Variants in TRIOBP observed in about 807,000 individuals in gnomAD.
TRIOBP encodes TRIO and F-actin-binding protein.
In TRIOBP, 169 loss-of-function variants were observed where a neutral mutation model predicts 238.8. The ratio of observed to expected loss-of-function variants is 0.71; its 90% confidence interval spans 0.62 to 0.80. The LOEUF (loss-of-function observed/expected upper bound fraction) is 0.80. Among genes scored for constraint, TRIOBP ranks in the 30% least tolerant of loss-of-function variants. The pLI, the probability that TRIOBP is intolerant of heterozygous loss-of-function variation, is 0.00. For synonymous variants in TRIOBP, 1,150 were observed against 1,274.4 expected (o/e 0.90, Z 2.08); for missense variants, 2,838 against 3,122.6 (o/e 0.91, Z 2.17).
chr22:37,765,968 A>C, intron 18 of TRIOBP, 151 bp downstream of exon 18: 1 of 1,122,000 alleles, frequency 8.9e-7, no homozygotes, highest in Non-Finnish European at 1.2e-6. Flanking sequence ...TAGAAGCTCC[A>C]AGAACTGGCC....
rs139443629 is a variant in TRIOBP at position 37,763,151 on chromosome 22, C to T, written c.6325-2519C>T. ...TCTGGCCCTCTTCAGAAGAGCAGTG[C>T]CCACCCCCACATTGCTGGGCTCCCC... On this transcript the variant is annotated intron_variant, in intron 17 of 23. Transcript: ENST00000644935. 8.1e-3 allele frequency among the ~76,000 whole-genome samples: 1,231 copies of T among 152,258 alleles called. 13 individuals carry two copies. Among genetic ancestry groups the T allele is most frequent in the African/African-American group, 0.028 (1,182 of 41,538 alleles).
chr22:37,758,764 G>A (rs1191241527), intron 16 of TRIOBP, among the ~76,000 whole-genome samples: 3 of 152,036 alleles, frequency 2.0e-5, no homozygotes, highest in African/African-American at 7.3e-5. Flanking sequence ...GCACTGACTC[G>A]TGGAATCCTC....
rs1398428640 is a variant in TRIOBP at position 37,738,721 on chromosome 22, T to G, written c.5184+2T>G. 5.0e-6 allele frequency: 8 copies of G among 1,613,514 alleles called. No individual in the cohort carries two copies. Among genetic ancestry groups the G allele is most frequent in the Non-Finnish European group, 5.9e-6 (7 of 1,179,842 alleles). ...ACTGACCAGAAGCAGGCAGACTCGG[T>G]AGCTGGGTCATGGGTGTGGGTACAT... On this transcript the variant is annotated splice_donor_variant, in intron 10 of 23. Coordinates refer to ENST00000644935, the MANE Select transcript of TRIOBP (RefSeq NM_001039141.3). LOFTEE classifies it high-confidence loss of function.
At chr22:37,736,305 A>G (rs915461070) in intron 9 of TRIOBP, among the ~76,000 whole-genome samples, 3 of 152,132 alleles carry the variant, frequency 2.0e-5, no homozygotes, top group Non-Finnish European at 4.4e-5. Context: ...TCTCTGTAAG[A>G]TGGACCAACC....
chr22:37,713,772 C>T (rs1036653024), intron 5 of TRIOBP, among the ~76,000 whole-genome samples: 1 of 152,182 alleles, frequency 6.6e-6, no homozygotes, highest in Non-Finnish European at 1.5e-5. Flanking sequence ...GCCCTGCCCT[C>T]GACACACAGT....
In TRIOBP at chr22:37,733,397, T is replaced by C. The variant is rs1343394990; in HGVS notation, c.4047T>C (p.Pro1349=). ...AACTTCTCCGAAGACAGTCCAGCCC[T>C]GCCCCCAGCAGGCAGGTGAGCACTG... ...QSQLLRRQSS[P]APSRQVTMLP... is the part of the protein sequence containing the mutation. The change falls in exon 8 of 24, where the codon CCT becomes CCC. Residue 1349 remains proline, a synonymous_variant. Transcript: ENST00000644935. 2 of 1,550,644 alleles carry C rather than the reference T, an allele frequency of 1.3e-6. No individual in the cohort carries two copies. Among genetic ancestry groups the C allele is most frequent in the Non-Finnish European group, 1.7e-6 (2 of 1,147,036 alleles).
chr22:37,749,682 C>T (rs1406472842), intron 11 of TRIOBP, among the ~76,000 whole-genome samples: 1 of 150,040 alleles, frequency 6.7e-6, no homozygotes, highest in Non-Finnish European at 1.5e-5. Flanking sequence ...CACATTGGCT[C>T]ACACCTATAA....
chr22:37,770,186 C>G (rs1926696116), intron 21 of TRIOBP, among the ~76,000 whole-genome samples: 1 of 147,508 alleles, frequency 6.8e-6, no homozygotes, highest in African/African-American at 2.5e-5. Context: ...CGCCTGTAAT[C>G]CCAGCACTTT....
chr22:37,744,822 G>A (rs1375260638), intron 11 of TRIOBP, among the ~76,000 whole-genome samples: 1 of 152,138 alleles, frequency 6.6e-6, no homozygotes, highest in African/African-American at 2.4e-5. Context: ...AGCTCCCTGG[G>A]CCTCCATTTC....
At chr22:37,741,958 T>G (rs1924953008) in intron 11 of TRIOBP, among the ~76,000 whole-genome samples, 1 of 152,116 alleles carries the variant, frequency 6.6e-6, no homozygotes, top group Admixed American at 6.5e-5. Context: ...CTTCAGAATT[T>G]CCTTTTTTTA....
chr22:37,765,036 A>G (rs941871722), intron 17 of TRIOBP, among the ~76,000 whole-genome samples: 1 of 152,190 alleles, frequency 6.6e-6, no homozygotes, highest in African/African-American at 2.4e-5. Flanking sequence ...TAATCCCAGC[A>G]TTTTGGGAGG....
rs1924797631 is a variant in TRIOBP at position 37,738,672 on chromosome 22, C to T, written c.5137C>T (p.Pro1713Ser). 21 of 1,613,700 alleles carry T rather than the reference C, an allele frequency of 1.3e-5. No homozygotes were observed. Among genetic ancestry groups the T allele is most frequent in the East Asian group, 2.2e-5 (1 of 44,882 alleles). ...ACCAGAGGAGCCTGAGGAGTCAGAA[C>T]CAAGCAGAGGCCAAGACCCCCTGAC... ...FQPEEPEESE[P>S]SRGQDPLTDQ... The change falls in exon 10 of 24, where the codon CCA (proline) becomes TCA (serine). Residue 1713 changes from proline to serine, a missense_variant. This residue lies in a region of TRIOBP where 2,096 missense variants were observed against 2,137.4 expected (regional missense o/e 0.98). Coordinates refer to ENST00000644935, the MANE Select transcript of TRIOBP (RefSeq NM_001039141.3).
In TRIOBP at chr22:37,724,641, C is replaced by G. The variant is rs374226257; in HGVS notation, c.2085C>G (p.Asn695Lys). ...CCAGCAGAACCATCCAACAAGAGAA[C>G]CCCAGAACATCCTGTGCCCAACGGG... is the stretch of plus-strand genomic sequence containing the variant. ...SSPSRTIQQE[N>K]PRTSCAQRDD... Residue 695 changes from asparagine to lysine, a missense_variant, in exon 7 of 24, where the codon AAC becomes AAG. Asn to Lys is a moderately conservative substitution (Grantham distance 94). Transcript: ENST00000644935. 1.4e-5 allele frequency: 22 copies of G among 1,611,172 alleles called. No homozygotes were observed. The highest frequency in any genetic ancestry group is 2.2e-5 in the South Asian group (2 of 90,954).
intron 23 of TRIOBP, among the ~76,000 whole-genome samples, chr22:37,773,376 G>A (rs1926880712): frequency 6.6e-6 from 1 of 152,046 alleles, no homozygotes. Flanking sequence ...TCACCACCAT[G>A]CCCAGATAAT....
chr22:37,765,836 G>C lies in TRIOBP; in HGVS notation c.6472+19G>C, dbSNP rs752337914. The C allele has an allele frequency of 1.3e-6, 2 of 1,584,448 alleles. No individual in the cohort carries two copies. The highest frequency in any genetic ancestry group is 3.5e-5 in the Admixed American group (2 of 57,578). On this transcript the variant is annotated intron_variant, in intron 18 of 23. Transcript: ENST00000644935. ...GCCTCAGGTATGGACCCTGGGGGGG[G>C]CACAGTGGGCTGGGCTCTGAGCCTC...
chr22:37,734,255 A>G (rs1315012995), intron 8 of TRIOBP, 144 bp from the exon 9 acceptor site: 5 of 766,460 alleles, frequency 6.5e-6, no homozygotes, highest in Non-Finnish European at 1.1e-5. Context: ...GGGGTGGGGC[A>G]GAGACCCTGT....
chr22:37,741,526 G>C (rs959765385), intron 11 of TRIOBP, among the ~76,000 whole-genome samples: 1 of 152,162 alleles, frequency 6.6e-6, no homozygotes, highest in Admixed American at 6.5e-5. Flanking sequence ...GCTGAGACCC[G>C]CTCCCTCCCA....
chr22:37,755,022 C>T (rs1925840024), intron 13 of TRIOBP, 38 bp downstream of exon 13: 1 of 1,611,130 alleles, frequency 6.2e-7, no homozygotes, highest in Non-Finnish European at 8.5e-7. Context: ...CCCGGAAGGG[C>T]CTGGGGTGGC....
In TRIOBP at chr22:37,726,437, G is replaced by A. The variant is rs746052056; in HGVS notation, c.3881G>A (p.Ser1294Asn). The change falls in exon 7 of 24, where the codon AGC becomes AAC. Residue 1294 changes from serine to asparagine, a missense_variant. Transcript: ENST00000644935. ...QRQPGPQAQCSSGGRTHSPGR... is the reference protein window; with the variant it reads ...QRQPGPQAQCNSGGRTHSPGR... ...CAGCCAGGGCCCCAGGCGCAGTGCA[G>A]CAGCGGGGGCCGCACCCACAGCCCT... The A allele has an allele frequency of 1.9e-6, 3 of 1,583,372 alleles. No homozygotes were observed. In the Admixed American group the frequency reaches 5.4e-5, roughly 29 times the overall value.
Sources: allele counts gnomAD v4.1 joint callset (sites outside exome capture counted in the v4.1 genomes callset), GRCh38; gene constraint gnomAD v4.1.1; regional missense constraint gnomAD v4.1.1; transcripts MANE v1.5; gene names NCBI Gene and HGNC (gene_info 2026-07-23, HGNC 2026-07-21).